DRC10: variants seen among roughly 807,000 people sequenced by gnomAD.
DRC10 encodes the protein IQ domain-containing protein D.
At chr12:113,208,159 A>G in the DRC10 span, 1 of 1,612,222 alleles carries the variant, frequency 6.2e-7, no homozygotes, top group Non-Finnish European at 8.5e-7. Flanking sequence ...GAGAATGTCT[A>G]AAGCCATCTT....
At chr12:113,215,130 G>A in the DRC10 span, among the ~76,000 whole-genome samples, 2,780 of 152,296 alleles carry the variant, frequency 0.018, 39 homozygotes, top group Non-Finnish European at 0.028. Flanking sequence ...ACTTTCCACT[G>A]ACCACAAGCT....
chr12:113,195,849 T>G, the DRC10 span: 2 of 1,613,060 alleles, frequency 1.2e-6, no homozygotes, highest in Non-Finnish European at 1.7e-6. Context: ...CAGCGAGATC[T>G]TCTCCTCCCT....
the DRC10 span, among the ~76,000 whole-genome samples, chr12:113,204,588 G>T: frequency 6.6e-6 from 1 of 152,210 alleles, no homozygotes; most frequent in South Asian, 2.1e-4. Flanking sequence ...AGACCATCTG[G>T]CCCACAAAGC....
the DRC10 span, among the ~76,000 whole-genome samples, chr12:113,204,597 G>A: frequency 6.6e-6 from 1 of 152,238 alleles, no homozygotes; most frequent in Non-Finnish European, 1.5e-5. Flanking sequence ...GGCCCACAAA[G>A]CCTAATGTTT....
At chr12:113,207,541 G>A in the DRC10 span, 9 of 1,613,754 alleles carry the variant, frequency 5.6e-6, no homozygotes, top group African/African-American at 1.1e-4. Context: ...TAAGAACTGG[G>A]CCTTATCCCT....
At chr12:113,220,958 C>G in the DRC10 span, 32,991 of 349,332 alleles carry the variant, frequency 0.094, 1,894 homozygotes, top group Middle Eastern at 0.15. Flanking sequence ...TATTCCACAT[C>G]TCCCCCGATC....
the DRC10 span, among the ~76,000 whole-genome samples, chr12:113,204,470 C>G: frequency 1.3e-5 from 2 of 152,260 alleles, no homozygotes; most frequent in African/African-American, 4.8e-5. Flanking sequence ...TCCAGCCAGC[C>G]ACTTGTATTT....
the DRC10 span, among the ~76,000 whole-genome samples, chr12:113,199,282 C>T: frequency 1.3e-5 from 2 of 152,154 alleles, no homozygotes; most frequent in Non-Finnish European, 2.9e-5. Context: ...CATGCCCCAG[C>T]GACCCATGAG....
the DRC10 span, among the ~76,000 whole-genome samples, chr12:113,197,313 A>C: frequency 6.6e-6 from 1 of 151,424 alleles, no homozygotes; most frequent in Non-Finnish European, 1.5e-5. Context: ...CTGGGATTAC[A>C]GGCATGAGCC....
chr12:113,220,454 A>G, the DRC10 span, among the ~76,000 whole-genome samples: 1 of 151,750 alleles, frequency 6.6e-6, no homozygotes, highest in Middle Eastern at 3.4e-3. Flanking sequence ...GGGTTTCACC[A>G]TACTGGCTAG....
the DRC10 span, chr12:113,207,931 A>G: frequency 6.2e-7 from 1 of 1,614,092 alleles, no homozygotes; most frequent in African/African-American, 1.3e-5. Context: ...CATCCCCTCC[A>G]TATCCTCTCT....
chr12:113,210,005 T>C, the DRC10 span, among the ~76,000 whole-genome samples: 1 of 152,146 alleles, frequency 6.6e-6, no homozygotes, highest in Non-Finnish European at 1.5e-5. Context: ...ACGCACCTGT[T>C]ACTCAGGTTA....
chr12:113,205,821 G>A, the DRC10 span, among the ~76,000 whole-genome samples: 1 of 150,708 alleles, frequency 6.6e-6, no homozygotes, highest in South Asian at 2.1e-4. Flanking sequence ...CCCGGGAAGC[G>A]GAGCTTGCAG....
chr12:113,211,662 A>C, the DRC10 span, among the ~76,000 whole-genome samples: 4 of 151,966 alleles, frequency 2.6e-5, no homozygotes, highest in Non-Finnish European at 4.4e-5. Context: ...ACAAACCAGA[A>C]GCCCCTTTGG....
the DRC10 span, chr12:113,206,234 AAAG>A: frequency 1.3e-5 from 2 of 152,200 alleles, no homozygotes; most frequent in Non-Finnish European, 2.9e-5. Flanking sequence ...AAAAAAAAAA[AAAG>A]AAATCAATAT....
chr12:113,211,239 T>G, the DRC10 span, among the ~76,000 whole-genome samples: 13,265 of 152,128 alleles, frequency 0.087, 610 homozygotes, highest in African/African-American at 0.11. Context: ...GTGCCACCAT[T>G]CCCAGCTAAT....
the DRC10 span, among the ~76,000 whole-genome samples, chr12:113,220,197 A>G: frequency 2.7e-4 from 41 of 152,282 alleles, no homozygotes; most frequent in Middle Eastern, 6.8e-3. Context: ...TTAAGGATGG[A>G]GATGGGAGTT....
chr12:113,207,439 T>A, the DRC10 span: 3 of 1,607,048 alleles, frequency 1.9e-6, no homozygotes, highest in Non-Finnish European at 2.6e-6. Context: ...AAACAATACC[T>A]CTGCATTCCT....
At chr12:113,196,205 C>T in the DRC10 span, among the ~76,000 whole-genome samples, 1 of 152,176 alleles carries the variant, frequency 6.6e-6, no homozygotes, top group Admixed American at 6.5e-5. Context: ...CGTTTTTCCT[C>T]ATCTGAAACA....
Sources: allele counts gnomAD v4.1 joint callset (sites outside exome capture counted in the v4.1 genomes callset), GRCh38; gene constraint gnomAD v4.1.1; transcripts MANE v1.5; gene names NCBI Gene and HGNC (gene_info 2026-07-23, HGNC 2026-07-21).